The following AGBL4 variants were observed in gnomAD, a reference collection of about 807,000 sequenced individuals.
AGBL4 encodes the protein AGBL carboxypeptidase 4.
AGBL4 carries 58 observed loss-of-function variants against 66.4 expected under a neutral mutation model. That is an observed-to-expected ratio of 0.87 (90% CI 0.71 to 1.09). The LOEUF is 1.09. AGBL4 is among the 50% of genes least tolerant of loss of function. AGBL4 has a pLI of 0.00. For synonymous variants in AGBL4, 234 were observed against 222.9 expected, an observed-to-expected ratio of 1.05 and a Z score of -0.44; for missense variants, 579 against 631.0, an observed-to-expected ratio of 0.92 and a Z score of 0.88.
At chr1:48,686,977 C>A (rs933251962) in intron 6 of AGBL4, among the ~76,000 whole-genome samples, 1 of 146,990 alleles carries the variant, frequency 6.8e-6, no homozygotes, top group African/African-American at 2.5e-5. Flanking sequence ...TCACACCAGG[C>A]TTAGCTGTCT....
intron 3 of AGBL4, among the ~76,000 whole-genome samples, chr1:49,414,030 G>T (rs1473759503): frequency 1.3e-5 from 2 of 152,092 alleles, no homozygotes; most frequent in Non-Finnish European, 2.9e-5. Flanking sequence ...AAGGTCTTAT[G>T]ATCCAGTTAC....
intron 7 of AGBL4, among the ~76,000 whole-genome samples, chr1:48,655,418 A>G (rs1646004496): frequency 6.6e-6 from 1 of 152,234 alleles, no homozygotes; most frequent in African/African-American, 2.4e-5. Flanking sequence ...AAAGACCAAA[A>G]GCACTGGATG....
chr1:49,898,378 T>C (rs1649428773), intron 1 of AGBL4, among the ~76,000 whole-genome samples: 1 of 152,046 alleles, frequency 6.6e-6, no homozygotes, highest in Non-Finnish European at 1.5e-5. Context: ...TCAAATTCAT[T>C]GATCATCAGA....
At position 49,650,593 on chromosome 1, in the gene AGBL4, G is replaced by A. The variant is rs75719934; in HGVS notation, c.282+46720C>T. Reference sequence around the variant, plus strand: ...CCATTGCTCTTCCTGGGGATCCTCAGCCATTGTGTCACCATATCACCAGAT... The same window carrying A: ...CCATTGCTCTTCCTGGGGATCCTCAACCATTGTGTCACCATATCACCAGAT... On this transcript the variant is annotated intron_variant, in intron 3 of 13. Coordinates refer to ENST00000371839, the MANE Select transcript of AGBL4 (RefSeq NM_032785.4). Among the ~76,000 whole-genome samples the A allele has an allele frequency of 3.4e-3, 514 of 152,296 alleles. 2 individuals are homozygous for A. The highest frequency in any genetic ancestry group is 6.1e-3 in the Non-Finnish European group (413 of 68,038).
At chr1:49,299,122 A>G (rs768976026) in intron 3 of AGBL4, among the ~76,000 whole-genome samples, 1 of 152,230 alleles carries the variant, frequency 6.6e-6, no homozygotes, top group Non-Finnish European at 1.5e-5. Context: ...AGTAGGCTGT[A>G]TCAATATTCC....
chr1:49,415,195 A>G (rs1034810969), intron 3 of AGBL4, among the ~76,000 whole-genome samples: 1 of 152,154 alleles, frequency 6.6e-6, no homozygotes, highest in African/African-American at 2.4e-5. Flanking sequence ...AGAGAGGAAC[A>G]GACACTATGC....
chr1:49,862,792 C>T (rs905979559), intron 1 of AGBL4, among the ~76,000 whole-genome samples: 4 of 152,112 alleles, frequency 2.6e-5, no homozygotes, highest in Non-Finnish European at 4.4e-5. Context: ...GTATGTCCAA[C>T]AAAAATACCC....
intron 9 of AGBL4, among the ~76,000 whole-genome samples, chr1:48,602,029 C>T (rs1200546066): frequency 6.6e-6 from 1 of 152,114 alleles, no homozygotes; most frequent in Non-Finnish European, 1.5e-5. Context: ...GTTAATGTTG[C>T]TTCCTTATAA....
At position 48,539,634 on chromosome 1, in the gene AGBL4, C is replaced by A; in HGVS notation, c.1364+8G>T. The A allele has an allele frequency of 1.3e-6, 2 of 1,531,094 alleles. No individual in the cohort carries two copies. Among genetic ancestry groups the A allele is most frequent in the Non-Finnish European group, 8.8e-7 (1 of 1,134,282 alleles). 94.8% of individuals were successfully genotyped at this position (1,531,094 alleles called of 1,614,324 possible). A position where few individuals can be genotyped will look rare whatever the true frequency, so the allele number is the denominator to read the frequency against. Reference sequence around the variant, plus strand: ...CTCAAGCCGAAACCTCTCTGCTCTGCCACTTACCGCAGTCTCGGCATGGGA... The same window carrying A: ...CTCAAGCCGAAACCTCTCTGCTCTGACACTTACCGCAGTCTCGGCATGGGA... On this transcript the variant is annotated splice_region_variant and intron_variant, in intron 12 of 13. Coordinates refer to ENST00000371839, the MANE Select transcript of AGBL4 (RefSeq NM_032785.4).
At chr1:48,640,883 G>A (rs556523498) in intron 8 of AGBL4, among the ~76,000 whole-genome samples, 9 of 152,226 alleles carry the variant, frequency 5.9e-5, no homozygotes, top group South Asian at 2.1e-4. Context: ...ATGCCTTATC[G>A]CTATTCGCAA....
At chr1:48,541,858 A>G (rs942580974) in intron 11 of AGBL4, among the ~76,000 whole-genome samples, 1 of 152,146 alleles carries the variant, frequency 6.6e-6, no homozygotes, top group Non-Finnish European at 1.5e-5. Flanking sequence ...TTTTTTATAT[A>G]TACTTTAAGT....
intron 1 of AGBL4, among the ~76,000 whole-genome samples, chr1:49,858,088 T>G (rs979128863): frequency 2.6e-5 from 4 of 151,970 alleles, no homozygotes; most frequent in Non-Finnish European, 5.9e-5. Flanking sequence ...AAAGGAGACA[T>G]ACAAATGTCC....
At chr1:49,443,587 C>T (rs1219047446) in intron 3 of AGBL4, among the ~76,000 whole-genome samples, 2 of 151,782 alleles carry the variant, frequency 1.3e-5, no homozygotes, top group Non-Finnish European at 2.9e-5. Context: ...TCTGTGGCTT[C>T]ATTTCTGAGT....
chr1:49,150,041 A>G (rs1205368254), intron 4 of AGBL4, among the ~76,000 whole-genome samples: 1 of 152,234 alleles, frequency 6.6e-6, no homozygotes, highest in African/African-American at 2.4e-5. Flanking sequence ...TAGACACATG[A>G]GGTCTATAAA....
At chr1:49,923,113 AACAG>A (rs1425479891) in intron 1 of AGBL4, among the ~76,000 whole-genome samples, 3 of 152,186 alleles carry the variant, frequency 2.0e-5, no homozygotes, top group African/African-American at 4.8e-5. Flanking sequence ...TTGGTACAAA[AACAG>A]ACACATAGTC....
intron 2 of AGBL4, among the ~76,000 whole-genome samples, chr1:49,719,144 C>T (rs1378159038): frequency 6.6e-6 from 1 of 151,810 alleles, no homozygotes; most frequent in Non-Finnish European, 1.5e-5. Context: ...GTGGCTATCA[C>T]TGGAATAGGA....
chr1:48,623,294 A>C lies in AGBL4; in HGVS notation c.951+11199T>G, dbSNP rs188051742. Among the ~76,000 whole-genome samples, 20 of 152,330 alleles carry C rather than the reference A, an allele frequency of 1.3e-4. No individual in the cohort carries two copies. The East Asian group carries it at 3.7e-3, about 28-fold the overall frequency. ...AAAGCAAGCCTAGAAAGACTTGCTG[A>C]GTGGTAGAGCATCAAGGCTCATTGG... On this transcript the variant is annotated intron_variant, in intron 9 of 13. Coordinates refer to ENST00000371839, the MANE Select transcript of AGBL4 (RefSeq NM_032785.4).
intron 2 of AGBL4, among the ~76,000 whole-genome samples, chr1:49,798,436 A>T (rs1644781693): frequency 6.6e-6 from 1 of 152,182 alleles, no homozygotes. Context: ...TACTCCATTA[A>T]TGCATGCATT....
chr1:49,136,287 GC>G (rs572357883), intron 4 of AGBL4, among the ~76,000 whole-genome samples: 34 of 152,058 alleles, frequency 2.2e-4, no homozygotes, highest in Non-Finnish European at 4.3e-4. Context: ...CATTTCACTG[GC>G]TTCAATTCAT....
Sources: gnomAD v4.1 joint callset for allele counts (sites outside exome capture counted in the v4.1 genomes callset) on GRCh38, gnomAD v4.1.1 for gene constraint, MANE v1.5 for transcripts, NCBI Gene and HGNC (gene_info 2026-07-23, HGNC 2026-07-21) for gene names.